The following SGCZ variants were observed in gnomAD, a reference collection of about 807,000 sequenced individuals.
SGCZ encodes sarcoglycan zeta, also known as zeta-sarcoglycan.
A neutral mutation model predicts 41.3 loss-of-function variants in SGCZ; 40 were observed. The ratio of observed to expected loss-of-function variants is 0.97; its 90% CI spans 0.75 to 1.26. The LOEUF is 1.26. Among genes scored for constraint, SGCZ ranks in the 50% most tolerant of loss-of-function variants. SGCZ has a pLI of 0.00. For missense variants in SGCZ, 552 were observed against 369.8 expected, an observed-to-expected ratio of 1.49 and a Z score of -4.04; for synonymous variants, 206 against 137.5, an observed-to-expected ratio of 1.50 and a Z score of -3.49.
At chr8:14,815,382 A>AT (rs368066882) in intron 1 of SGCZ, among the ~76,000 whole-genome samples, 26,197 of 147,662 alleles carry the variant, frequency 0.18, 2,537 homozygotes, top group East Asian at 0.32. Flanking sequence ...AACTTGTATG[A>AT]TTTTTTTTTT....
intron 1 of SGCZ, among the ~76,000 whole-genome samples, chr8:15,215,726 A>C (rs536046633): frequency 7.0e-4 from 107 of 152,240 alleles, no homozygotes; most frequent in Non-Finnish European, 1.4e-3. Context: ...CAAACTGATC[A>C]GTTGTTAAAG....
intron 1 of SGCZ, among the ~76,000 whole-genome samples, chr8:15,188,849 G>T (rs145535159): frequency 9.2e-5 from 14 of 152,132 alleles, no homozygotes; most frequent in African/African-American, 2.9e-4. Context: ...AGGAAGGAAA[G>T]GCAGAGAGGA....
chr8:14,692,195 G>T lies in SGCZ; in HGVS notation c.40-137269C>A, dbSNP rs985391476. On this transcript the variant is annotated intron_variant, in intron 1 of 7. Coordinates refer to ENST00000382080, the MANE Select transcript of SGCZ (RefSeq NM_139167.4). ...CATAGTTAAATTGATATATAAAAAT[G>T]ATTAATTTTTAAGAATTTCAAACAC... Among the ~76,000 whole-genome samples, 23 of 151,970 alleles carry T rather than the reference G, an allele frequency of 1.5e-4. 1 individual carries two copies. Among genetic ancestry groups the T allele is most frequent in the Middle Eastern group, 3.5e-3 (1 of 288 alleles).
chr8:14,164,868 C>T (rs113580174), intron 4 of SGCZ, 166 bp from the exon 5 acceptor site: 2 of 828,698 alleles, frequency 2.4e-6, no homozygotes. Flanking sequence ...TTTCAGGAGG[C>T]TAATTTGGGA....
chr8:15,097,842 GTA>G lies in SGCZ; in HGVS notation c.39+139741_39+139742del, dbSNP rs1234225819. 8.6e-3 allele frequency among the ~76,000 whole-genome samples: 186 copies of G among 21,726 alleles called. 2 individuals are homozygous for G. The highest frequency in any genetic ancestry group is 0.024 in the South Asian group (5 of 208). The allele number at this position is 21,726 out of a possible 152,430, so 14.3% of individuals were successfully genotyped here. On this transcript the variant is annotated intron_variant, in intron 1 of 7. Coordinates refer to ENST00000382080, the MANE Select transcript of SGCZ (RefSeq NM_139167.4). Reference sequence around the variant, plus strand: ...TGTGTGTATATATATATACGTGTGTGTATATATATATATACGTGTGTGTGTAT... The same window carrying G: ...TGTGTGTATATATATATACGTGTGTGTATATATATATACGTGTGTGTGTAT...
At chr8:14,370,098 A>C (rs1803858999) in intron 2 of SGCZ, among the ~76,000 whole-genome samples, 1 of 151,980 alleles carries the variant, frequency 6.6e-6, no homozygotes, top group Non-Finnish European at 1.5e-5. Flanking sequence ...TGTAGTGGTA[A>C]GATGAAGGGG....
At chr8:14,855,099 C>T (rs1239391775) in intron 1 of SGCZ, among the ~76,000 whole-genome samples, 1 of 151,966 alleles carries the variant, frequency 6.6e-6, no homozygotes, top group Non-Finnish European at 1.5e-5. Flanking sequence ...TGTCACCCAA[C>T]TGGAGTACAG....
chr8:14,837,743 T>G (rs977927822), intron 1 of SGCZ, among the ~76,000 whole-genome samples: 12 of 152,178 alleles, frequency 7.9e-5, no homozygotes, highest in Non-Finnish European at 1.6e-4. Flanking sequence ...TGGGTTTTTT[T>G]GTGAAGAATC....
At chr8:14,235,245 T>C (rs1806715412) in intron 4 of SGCZ, among the ~76,000 whole-genome samples, 1 of 152,228 alleles carries the variant, frequency 6.6e-6, no homozygotes, top group Non-Finnish European at 1.5e-5. Context: ...GCCCTAGTCT[T>C]CTTTTGTTCT....
chr8:15,059,061 A>G (rs1384565995), intron 1 of SGCZ, among the ~76,000 whole-genome samples: 2 of 152,134 alleles, frequency 1.3e-5, no homozygotes, highest in Non-Finnish European at 2.9e-5. Flanking sequence ...GTTTCTTGCT[A>G]TGCTGGAAGT....
chr8:14,752,686 A>G (rs1799534961), intron 1 of SGCZ, among the ~76,000 whole-genome samples: 1 of 152,206 alleles, frequency 6.6e-6, no homozygotes, highest in Admixed American at 6.5e-5. Flanking sequence ...GAAAATGTGC[A>G]AGAAGGCAGA....
chr8:14,859,612 T>A (rs1410186842), intron 1 of SGCZ, among the ~76,000 whole-genome samples: 2 of 152,084 alleles, frequency 1.3e-5, no homozygotes, highest in African/African-American at 4.8e-5. Context: ...TGAAAACTCA[T>A]CGCTAATATG....
intron 1 of SGCZ, chr8:14,853,413 CA>C: frequency 1.9e-6 from 1 of 527,024 alleles, no homozygotes; most frequent in Non-Finnish European, 3.9e-6. Context: ...CCCAAGGTCT[CA>C]TGAGGTAAAG....
In SGCZ at chr8:14,165,574, A is replaced by G. The variant is rs2290967; in HGVS notation, c.425-872T>C. Among the ~76,000 whole-genome samples the G allele has an allele frequency of 4.6e-5, 7 of 152,272 alleles. No individual in the cohort carries two copies. In the East Asian group the frequency reaches 9.7e-4, roughly 21 times the overall value. On this transcript the variant is annotated intron_variant, in intron 4 of 7. Coordinates refer to ENST00000382080, the MANE Select transcript of SGCZ (RefSeq NM_139167.4). The stretch of plus-strand genomic sequence containing the variant: ...ATATTATGTCCAAATTTCTTTGGAC[A>G]TAACACTTTTGGCATATGGATCTAT...
At chr8:14,206,703 A>G (rs1805627252) in intron 4 of SGCZ, among the ~76,000 whole-genome samples, 1 of 152,132 alleles carries the variant, frequency 6.6e-6, no homozygotes, top group Non-Finnish European at 1.5e-5. Flanking sequence ...TGCTCTCCCT[A>G]CTGTATCCTG....
intron 4 of SGCZ, among the ~76,000 whole-genome samples, chr8:14,180,825 G>A (rs1026778418): frequency 6.6e-5 from 10 of 151,850 alleles, no homozygotes; most frequent in Non-Finnish European, 8.8e-5. Flanking sequence ...GCCAAGTGGC[G>A]ATGGCTATGT....
chr8:14,578,091 G>C (rs1157344645), intron 1 of SGCZ, among the ~76,000 whole-genome samples: 1 of 152,128 alleles, frequency 6.6e-6, no homozygotes. Flanking sequence ...TGAACATTGA[G>C]GCCTATTTTA....
chr8:14,181,471 C>T (rs535680253), intron 4 of SGCZ, among the ~76,000 whole-genome samples: 1 of 152,182 alleles, frequency 6.6e-6, no homozygotes, highest in Non-Finnish European at 1.5e-5. Flanking sequence ...ATCCCCAAAT[C>T]AACAGAGAAC....
intron 1 of SGCZ, among the ~76,000 whole-genome samples, chr8:14,744,123 C>A (rs577827128): frequency 6.6e-6 from 1 of 151,750 alleles, no homozygotes; most frequent in Non-Finnish European, 1.5e-5. Flanking sequence ...ATTTAAAAAA[C>A]AAACAAACAA....
Sources: gnomAD v4.1 joint callset for allele counts (sites outside exome capture counted in the v4.1 genomes callset) on GRCh38, gnomAD v4.1.1 for gene constraint, MANE v1.5 for transcripts, NCBI Gene and HGNC (gene_info 2026-07-23, HGNC 2026-07-21) for gene names.